Variants in CENPI observed in about 807,000 individuals in gnomAD.
The protein encoded by CENPI is centromere protein I, also known as FSH primary response 1.
A neutral mutation model predicts 60.4 loss-of-function variants in CENPI; 4 were observed. The observed-to-expected ratio is 0.07, with a 90% confidence interval of 0.03 to 0.15. CENPI has a LOEUF of 0.15. Ranked by LOEUF, CENPI falls within the 10% of genes least tolerant of loss-of-function variation. The pLI is 1.00. For synonymous variants in CENPI, 157 were observed against 189.4 expected, an observed-to-expected ratio of 0.83 and a Z score of 1.40; for missense variants, 444 against 534.5, an observed-to-expected ratio of 0.83 and a Z score of 1.67.
intron 6 of CENPI, among the ~76,000 whole-genome samples, chrX:101,115,210 C>T (rs1431929853): frequency 9.1e-6 from 1 of 109,634 alleles, no homozygotes; most frequent in East Asian, 2.9e-4. Flanking sequence ...GTAATCCGCC[C>T]TCCTTGGCCT....
rs575103070 is a variant in CENPI, at chrX:101,119,007, C to A, written c.592-1395C>A. ...ACCACCCTGAACAACATGGAGAAAC[C>A]CTGTCTCTACTAAAAGTACAAAATT... is the stretch of plus-strand genomic sequence containing the variant. On this transcript the variant is annotated intron_variant, in intron 6 of 21. Coordinates refer to ENST00000682095, the MANE Select transcript of CENPI (RefSeq NM_001386188.2). 3.0e-4 allele frequency among the ~76,000 whole-genome samples: 33 copies of A among 110,544 alleles called. No homozygotes were observed. The South Asian group carries it at 0.012, about 41-fold the overall frequency.
At chrX:101,099,267 A>G (rs1267293182) in intron 2 of CENPI, among the ~76,000 whole-genome samples, 2 of 109,900 alleles carry the variant, frequency 1.8e-5, no homozygotes, top group Non-Finnish European at 3.8e-5. Flanking sequence ...AGTCTCTACT[A>G]AAATACAACA....
intron 4 of CENPI, among the ~76,000 whole-genome samples, chrX:101,104,016 C>T (rs1003943617): frequency 2.4e-4 from 27 of 110,400 alleles, no homozygotes; most frequent in Non-Finnish European, 4.7e-4. Flanking sequence ...CTCTTTCACC[C>T]AGGCTGGAAT....
At chrX:101,109,845 T>C (rs1313555750) in intron 5 of CENPI, 46 bp from the exon 6 acceptor site, 1 of 941,628 alleles carries the variant, frequency 1.1e-6, no homozygotes, top group East Asian at 3.1e-5. Context: ...AACTCTTCTG[T>C]ACCAGTTATA....
chrX:101,132,781 T>G (rs2089807993), intron 15 of CENPI, among the ~76,000 whole-genome samples: 1 of 112,284 alleles, frequency 8.9e-6, no homozygotes, highest in Non-Finnish European at 1.9e-5. Context: ...TAGATACATT[T>G]ATTCATTTCA....
the CENPI span, among the ~76,000 whole-genome samples, chrX:101,174,538 T>C: frequency 2.7e-5 from 3 of 111,362 alleles, no homozygotes; most frequent in East Asian, 2.8e-4. Flanking sequence ...CTGGAGACCA[T>C]TATTCTTAGC....
intron 21 of CENPI, among the ~76,000 whole-genome samples, chrX:101,162,470 A>AAAAAT (rs1295672143): frequency 2.3e-5 from 2 of 87,812 alleles, no homozygotes; most frequent in African/African-American, 4.5e-5. Flanking sequence ...AAAAAAAAAA[A>AAAAAT]AAAATATATA....
chrX:101,137,818 G>C (rs938138767), intron 15 of CENPI, among the ~76,000 whole-genome samples: 2 of 101,302 alleles, frequency 2.0e-5, no homozygotes, highest in African/African-American at 7.2e-5. Context: ...CTCGTAACAG[G>C]TAGAGCAGAC....
In CENPI at chrX:101,120,727, A is replaced by T; in HGVS notation, c.641-11A>T. 1 of 1,205,721 alleles carries T rather than the reference A, an allele frequency of 8.3e-7. No individual in the cohort carries two copies. The highest frequency in any genetic ancestry group is 1.1e-6 in the Non-Finnish European group (1 of 890,815). On this transcript the variant is annotated splice_polypyrimidine_tract_variant and intron_variant, in intron 7 of 21. Coordinates refer to ENST00000682095, the MANE Select transcript of CENPI (RefSeq NM_001386188.2). ...CAAATGCATAGTACGTCTTTCCTTT[A>T]TGTTTTCTAGTCAAACCATTTCGTG...
At chrX:101,132,696 A>G (rs1370578159) in intron 15 of CENPI, among the ~76,000 whole-genome samples, 1 of 111,893 alleles carries the variant, frequency 8.9e-6, no homozygotes, top group Non-Finnish European at 1.9e-5. Context: ...GTGAACGAAC[A>G]AGTGGCAGAT....
At chrX:101,148,444 A>G (rs867987583) in intron 20 of CENPI, among the ~76,000 whole-genome samples, 1 of 111,891 alleles carries the variant, frequency 8.9e-6, no homozygotes, top group Non-Finnish European at 1.9e-5. Flanking sequence ...TGTAAGAAAG[A>G]TGGGGGAGTG....
At position 101,165,384 on chromosome X, in the gene CENPI, T is replaced by C. The variant is rs2090140071; in HGVS notation, c.*2417T>C. On this transcript the variant is annotated 3_prime_UTR_variant, in exon 22 of 22. Transcript: ENST00000682095. ...TAGAGGTTGGATTCAGACTCTGTTT[T>C]GTAAGTAGAGAAGATAATGTCTGCT... Among the ~76,000 whole-genome samples, 1 of 111,476 alleles carries C rather than the reference T, an allele frequency of 9.0e-6. No homozygotes were observed. The highest frequency in any genetic ancestry group is 3.3e-5 in the African/African-American group (1 of 30,667).
the CENPI span, among the ~76,000 whole-genome samples, chrX:101,176,872 A>T: frequency 8.9e-6 from 1 of 112,338 alleles, no homozygotes; most frequent in South Asian, 3.7e-4. Flanking sequence ...CTTATGTTTC[A>T]GTCTTTACCG....
chrX:101,181,644 C>A, the CENPI span, among the ~76,000 whole-genome samples: 1 of 112,257 alleles, frequency 8.9e-6, no homozygotes, highest in African/African-American at 3.2e-5. Context: ...ATCCTTACAA[C>A]CTTGCTAGCT....
intron 20 of CENPI, among the ~76,000 whole-genome samples, 165 bp from the exon 21 acceptor site, chrX:101,161,363 G>T (rs758113239): frequency 8.9e-6 from 1 of 112,407 alleles, no homozygotes; most frequent in Non-Finnish European, 1.9e-5. Flanking sequence ...ATGGATATTT[G>T]AAAGGAATCC....
At chrX:101,150,429 G>A (rs2089997405) in intron 20 of CENPI, among the ~76,000 whole-genome samples, 1 of 109,558 alleles carries the variant, frequency 9.1e-6, no homozygotes, top group African/African-American at 3.3e-5. Context: ...GGAGTGCAGT[G>A]TCGCAATCTC....
At chrX:101,106,719 A>G (rs1047754232) in intron 4 of CENPI, among the ~76,000 whole-genome samples, 1 of 110,980 alleles carries the variant, frequency 9.0e-6, no homozygotes, top group Non-Finnish European at 1.9e-5. Context: ...GATCAAGTGG[A>G]AAGATTGGAC....
At chrX:101,177,761 C>T in the CENPI span, among the ~76,000 whole-genome samples, 1 of 112,187 alleles carries the variant, frequency 8.9e-6, no homozygotes, top group African/African-American at 3.2e-5. Flanking sequence ...TGCAGCTTCA[C>T]TGCTGGGGGC....
At chrX:101,123,954 G>A (rs2089706304) in intron 8 of CENPI, among the ~76,000 whole-genome samples, 1 of 111,544 alleles carries the variant, frequency 9.0e-6, no homozygotes, top group Non-Finnish European at 1.9e-5. Flanking sequence ...AAACTTGTGT[G>A]TATGAGCAGG....
Sources: gnomAD v4.1 joint callset for allele counts (sites outside exome capture counted in the v4.1 genomes callset) on GRCh38, gnomAD v4.1.1 for gene constraint, MANE v1.5 for transcripts, NCBI Gene and HGNC (gene_info 2026-07-23, HGNC 2026-07-21) for gene names.